FIRRM: variants seen among roughly 807,000 people sequenced by gnomAD.
FIRRM encodes the protein FIGNL1 interacting regulator of recombination and mitosis.
chr1:169,817,763 G>A, the FIRRM span, among the ~76,000 whole-genome samples: 1 of 151,940 alleles, frequency 6.6e-6, no homozygotes, highest in Non-Finnish European at 1.5e-5. Context: ...AATTTAATCA[G>A]TATAAAATCT....
the FIRRM span, chr1:169,853,323 T>C: frequency 5.9e-6 from 2 of 338,366 alleles, no homozygotes; most frequent in Non-Finnish European, 5.3e-6. Flanking sequence ...AAGTTGTATT[T>C]CATAATAGAG....
At chr1:169,848,606 A>C in the FIRRM span, among the ~76,000 whole-genome samples, 1 of 152,232 alleles carries the variant, frequency 6.6e-6, no homozygotes, top group Non-Finnish European at 1.5e-5. Flanking sequence ...TGTCTCCATC[A>C]TGTTAAGGTT....
At chr1:169,840,579 C>T in the FIRRM span, among the ~76,000 whole-genome samples, 12 of 149,386 alleles carry the variant, frequency 8.0e-5, no homozygotes, top group East Asian at 2.0e-4. Flanking sequence ...GGTGTGATCT[C>T]GGCTCACTGT....
the FIRRM span, among the ~76,000 whole-genome samples, chr1:169,811,800 A>ATAGATAATAGATTATCTAG: frequency 8.9e-6 from 1 of 112,462 alleles, no homozygotes; most frequent in Non-Finnish European, 2.0e-5. Flanking sequence ...AGATTATCTA[A>ATAGATAATAGATTATCTAG]ATAGATAATA....
the FIRRM span, chr1:169,793,205 C>T: frequency 6.2e-7 from 1 of 1,614,162 alleles, no homozygotes; most frequent in Non-Finnish European, 8.5e-7. Flanking sequence ...TTTTAAGCCT[C>T]CCTCATAAAC....
chr1:169,789,730 G>A, the FIRRM span, among the ~76,000 whole-genome samples: 3 of 152,184 alleles, frequency 2.0e-5, no homozygotes, highest in East Asian at 5.8e-4. Context: ...GGTGGGCAGA[G>A]CGAGGTTTAG....
the FIRRM span, chr1:169,784,059 C>G: frequency 6.5e-6 from 1 of 153,436 alleles, no homozygotes; most frequent in South Asian, 2.1e-4. Flanking sequence ...ATGCTGGGAT[C>G]TCAGGCAAGA....
chr1:169,820,373 G>T, the FIRRM span, among the ~76,000 whole-genome samples: 11 of 152,240 alleles, frequency 7.2e-5, no homozygotes, highest in South Asian at 1.9e-3. Context: ...TTTTGGGGAG[G>T]ATAAAAGCTC....
chr1:169,802,715 A>G, the FIRRM span: 1 of 1,603,862 alleles, frequency 6.2e-7, no homozygotes, highest in Non-Finnish European at 8.5e-7. Flanking sequence ...ACTCTAAGGA[A>G]TATTTTACAA....
chr1:169,853,594 C>T, the FIRRM span: 1 of 1,028,726 alleles, frequency 9.7e-7, no homozygotes, highest in African/African-American at 1.6e-5. Flanking sequence ...ATAATGAGCT[C>T]CTGGGATGGG....
At chr1:169,852,838 A>AG in the FIRRM span, 1 of 1,614,150 alleles carries the variant, frequency 6.2e-7, no homozygotes, top group African/African-American at 1.3e-5. Context: ...AGAAGAGTAC[A>AG]GGTCAGCGCT....
chr1:169,830,749 T>C, the FIRRM span: 3 of 1,613,784 alleles, frequency 1.9e-6, no homozygotes, highest in Admixed American at 1.7e-5. Flanking sequence ...GCTCATCTGG[T>C]GCGTAGAATT....
At chr1:169,795,099 A>G in the FIRRM span, 1 of 1,535,194 alleles carries the variant, frequency 6.5e-7, no homozygotes, top group Admixed American at 2.0e-5. Flanking sequence ...TGTTTGACGA[A>G]AGTATGTCTC....
chr1:169,837,839 G>A, the FIRRM span, among the ~76,000 whole-genome samples: 5 of 152,298 alleles, frequency 3.3e-5, no homozygotes, highest in South Asian at 1.0e-3. Context: ...TCTATTTGCA[G>A]TTCTAAATTA....
the FIRRM span, among the ~76,000 whole-genome samples, chr1:169,788,346 A>C: frequency 0.49 from 73,968 of 152,044 alleles, 18,528 homozygotes; most frequent in Middle Eastern, 0.62. Context: ...AAGCACAAAG[A>C]CATTTATGAT....
the FIRRM span, among the ~76,000 whole-genome samples, chr1:169,841,004 G>C: frequency 1.3e-5 from 2 of 152,170 alleles, no homozygotes; most frequent in Non-Finnish European, 2.9e-5. Context: ...GGAGTGGTGA[G>C]AGTGGGCATC....
At chr1:169,827,171 C>T in the FIRRM span, 8 of 1,613,306 alleles carry the variant, frequency 5.0e-6, no homozygotes, top group East Asian at 1.8e-4. Context: ...TTCAGCCTTT[C>T]ATGCAGGTGG....
chr1:169,786,823 TTGTTATCTACACATTGTGAA>T, the FIRRM span, among the ~76,000 whole-genome samples: 3 of 151,976 alleles, frequency 2.0e-5, no homozygotes, highest in South Asian at 6.2e-4. Context: ...GTGGACAAGT[TTGTTATCTACACATTGTGAA>T]GCACATTGAT....
chr1:169,849,023 T>C, the FIRRM span, among the ~76,000 whole-genome samples: 2 of 152,200 alleles, frequency 1.3e-5, no homozygotes, highest in African/African-American at 4.8e-5. Context: ...TTAGCCTGTT[T>C]AGAGGCAATA....
Sources: allele counts gnomAD v4.1 joint callset (sites outside exome capture counted in the v4.1 genomes callset), GRCh38; gene constraint gnomAD v4.1.1; transcripts MANE v1.5; gene names NCBI Gene and HGNC (gene_info 2026-07-23, HGNC 2026-07-21).